MAPK15: variants seen among roughly 807,000 people sequenced by gnomAD.
MAPK15 encodes mitogen-activated protein kinase 15.
In MAPK15, 61 loss-of-function variants were observed where a neutral mutation model predicts 60.8. That is an observed-to-expected ratio of 1.00 (90% CI 0.82 to 1.24). The LOEUF (loss-of-function observed/expected upper bound fraction) is 1.24. Ranked by LOEUF, MAPK15 falls within the 50% of genes most tolerant of loss-of-function variation. The pLI, the probability that MAPK15 is intolerant of heterozygous loss-of-function variation, is 0.00. For missense variants in MAPK15, 808 were observed against 741.1 expected (o/e 1.09, Z -1.05); for synonymous variants, 356 against 319.9 (o/e 1.11, Z -1.21).
In MAPK15 at chr8:143,718,057, G is replaced by C. The variant is rs139756179; in HGVS notation, c.176G>C (p.Arg59Pro). Residue 59 changes from arginine to proline, a missense_variant, in exon 3 of 14, where the codon CGG becomes CCG. Physicochemically the swap from Arg to Pro is moderately radical, Grantham distance 103. Transcript: ENST00000338033. The stretch of plus-strand genomic sequence containing the variant: ...TTTCTGTCTCTTCAGAGAACATTCC[G>C]GGAAATCACGCTCCTCCAGGTGAGT... ...RDKTDAQRTF[R>P]EITLLQEFGD... 1 of 1,614,102 alleles carries C rather than the reference G, an allele frequency of 6.2e-7. No individual in the cohort carries two copies. Among genetic ancestry groups the C allele is most frequent in the South Asian group, 1.1e-5 (1 of 91,086 alleles).
chr8:143,721,314 C>G lies in MAPK15; in HGVS notation c.1107C>G (p.His369Gln), dbSNP rs782444194. The G allele has an allele frequency of 2.7e-5, 44 of 1,613,646 alleles. No homozygotes were observed. Among genetic ancestry groups the G allele is most frequent in the Non-Finnish European group, 3.5e-5 (41 of 1,179,960 alleles). The change falls in exon 11 of 14, where the codon CAC becomes CAG. Residue 369 changes from histidine to glutamine, a missense_variant. Physicochemically the swap from His to Gln is conservative, Grantham distance 24. Coordinates refer to ENST00000338033, the MANE Select transcript of MAPK15 (RefSeq NM_139021.3). ...EGVSPSQAHL[H>Q]KPRADPQLPS... Reference sequence around the variant, plus strand: ...TCTCCCCAAGCCAGGCACACCTGCACAAACCCAGAGCCGACCCTCAGCTGC... The same window carrying G: ...TCTCCCCAAGCCAGGCACACCTGCAGAAACCCAGAGCCGACCCTCAGCTGC...
rs781980773 is a variant in MAPK15 at position 143,721,360 on chromosome 8, G to T, written c.1153G>T (p.Gly385Cys). Reference sequence around the variant, plus strand: ...GCTGCCTTCTAGGACACCTGTGCAGGGTCCCAGACCCAGGCCCCAGAGCAG... The same window carrying T: ...GCTGCCTTCTAGGACACCTGTGCAGTGTCCCAGACCCAGGCCCCAGAGCAG... Reference protein sequence around the residue: ...PQLPSRTPVQGPRPRPQSSPG... With the variant: ...PQLPSRTPVQCPRPRPQSSPG... The change falls in exon 11 of 14, where the codon GGT (glycine) becomes TGT (cysteine). Residue 385 changes from glycine to cysteine, a missense_variant. By Grantham distance (159) the Gly-to-Cys change is radical (BLOSUM62 -3). Transcript: ENST00000338033. 1.4e-5 allele frequency: 22 copies of T among 1,613,278 alleles called. No individual in the cohort carries two copies. In the Admixed American group the frequency reaches 3.5e-4, roughly 26 times the overall value.
intron 1 of MAPK15, 100 bp downstream of exon 1, chr8:143,716,543 C>A: frequency 9.3e-7 from 1 of 1,071,604 alleles, no homozygotes; most frequent in Non-Finnish European, 1.3e-6. Context: ...CCTGTTCCGT[C>A]ACACACTGGC....
Position 143,718,745 on chromosome 8 carries a change from C to T in MAPK15, c.287-30C>T, listed in dbSNP as rs555909822. 2.9e-4 allele frequency: 423 copies of T among 1,474,540 alleles called. 3 individuals carry two copies. In the East Asian group the frequency reaches 7.6e-3, roughly 27 times the overall value. The allele number at this position is 1,474,540 out of a possible 1,614,324, so 91.3% of individuals were successfully genotyped here. On this transcript the variant is annotated intron_variant, in intron 4 of 13. Coordinates refer to ENST00000338033, the MANE Select transcript of MAPK15 (RefSeq NM_139021.3). Reference sequence around the variant, plus strand: ...CCAGGTTGCCCCCCCAGCCCCCCACCCCCGACTGCAGTGCGCACCCTCTCT... The same window carrying T: ...CCAGGTTGCCCCCCCAGCCCCCCACTCCCGACTGCAGTGCGCACCCTCTCT...
chr8:143,718,216 T>C lies in MAPK15; in HGVS notation c.200T>C (p.Phe67Ser). ...TFREITLLQEFGDHPNIISLL... is the reference protein window; with the variant it reads ...TFREITLLQESGDHPNIISLL... ...CGCCTCCGACTCTCTCCCCAGGAGT[T>C]TGGGGACCATCCCAACATCATCAGC... Residue 67 changes from phenylalanine to serine, a missense_variant, in exon 4 of 14, where the codon TTT becomes TCT. Coordinates refer to ENST00000338033, the MANE Select transcript of MAPK15 (RefSeq NM_139021.3). 8 of 1,614,054 alleles carry C rather than the reference T, an allele frequency of 5.0e-6. No individual in the cohort carries two copies. The highest frequency in any genetic ancestry group is 2.2e-5 in the East Asian group (1 of 44,880).
chr8:143,717,600 A>T, intron 1 of MAPK15, 94 bp from the exon 2 acceptor site: 1 of 1,092,738 alleles, frequency 9.2e-7, no homozygotes, highest in African/African-American at 1.6e-5. Context: ...GGGACCCAGG[A>T]TGGGAAGGAG....
At position 143,718,256 on chromosome 8, in the gene MAPK15, C is replaced by T. The variant is rs782270582; in HGVS notation, c.240C>T (p.Ile80=). ...HPNIISLLDV[I]RAENDRDIYL... is the part of the protein sequence containing the mutation. Reference sequence around the variant, plus strand: ...ACATCATCAGCCTCCTTGACGTGATCCGGGCAGAGAACGACAGGGACATTT... The same window carrying T: ...ACATCATCAGCCTCCTTGACGTGATTCGGGCAGAGAACGACAGGGACATTT... The change falls in exon 4 of 14, where the codon ATC becomes ATT. Residue 80 remains isoleucine, a synonymous_variant. Coordinates refer to ENST00000338033, the MANE Select transcript of MAPK15 (RefSeq NM_139021.3). The T allele has an allele frequency of 1.2e-6, 2 of 1,614,166 alleles. No homozygotes were observed. The highest frequency in any genetic ancestry group is 1.7e-6 in the Non-Finnish European group (2 of 1,180,028).
chr8:143,720,308 G>T lies in MAPK15; in HGVS notation c.779+21G>T. On this transcript the variant is annotated intron_variant, in intron 8 of 13. Coordinates refer to ENST00000338033, the MANE Select transcript of MAPK15 (RefSeq NM_139021.3). The surrounding 1 kb of genome is among the most constrained non-coding windows in gnomAD (Gnocchi z 4.6). The stretch of plus-strand genomic sequence containing the variant: ...TCCCGGTGAGTGGGGGCACTTCGGT[G>T]AGGGTGACAGGGTGGCCTATCTCAA... 6.4e-7 allele frequency: 1 copy of T among 1,568,716 alleles called. No homozygotes were observed.
chr8:143,718,307 G>C lies in MAPK15; in HGVS notation c.286+5G>C, dbSNP rs56325234. On this transcript the variant is annotated splice_donor_5th_base_variant and intron_variant, in intron 4 of 13. Coordinates refer to ENST00000338033, the MANE Select transcript of MAPK15 (RefSeq NM_139021.3). Reference sequence around the variant, plus strand: ...ACCTGGTGTTTGAGTTTATGGGTGAGTGAGGCCCCGGCCAGCGCCCCAGCC... The same window carrying C: ...ACCTGGTGTTTGAGTTTATGGGTGACTGAGGCCCCGGCCAGCGCCCCAGCC... 11 of 1,613,486 alleles carry C rather than the reference G, an allele frequency of 6.8e-6. No homozygotes were observed. Among genetic ancestry groups the C allele is most frequent in the Middle Eastern group, 1.6e-4 (1 of 6,084 alleles).
At position 143,718,039 on chromosome 8, in the gene MAPK15, C is replaced by G. The variant is rs370367858; in HGVS notation, c.166-8C>G. 67 of 1,614,004 alleles carry G rather than the reference C, an allele frequency of 4.2e-5. No homozygotes were observed. Among genetic ancestry groups the G allele is most frequent in the Non-Finnish European group, 5.6e-5 (66 of 1,180,004 alleles). On this transcript the variant is annotated splice_region_variant and splice_polypyrimidine_tract_variant and intron_variant, in intron 2 of 13. Coordinates refer to ENST00000338033, the MANE Select transcript of MAPK15 (RefSeq NM_139021.3). The stretch of plus-strand genomic sequence containing the variant: ...CCCACCCACACACCTGTGTTTCTGT[C>G]TCTTCAGAGAACATTCCGGGAAATC...
At position 143,720,718 on chromosome 8, in the gene MAPK15, G is replaced by T; in HGVS notation, c.795G>T (p.Leu265=). ...CAGCCCACAGGCCACGACAGACGCTGGATGCCCTCCTACCGCCAGACACCT... is the reference window on the plus strand; with the variant it reads ...CAGCCCACAGGCCACGACAGACGCTTGATGCCCTCCTACCGCCAGACACCT... ...HQLGSRPRQT[L]DALLPPDTSP... Residue 265 remains leucine (L), a synonymous_variant, in exon 9 of 14, where the codon CTG becomes CTT. Transcript: ENST00000338033. This position sits in a 1 kb window ranked among gnomAD's most constrained non-coding sequence, Gnocchi z 4.6. 1 of 1,612,254 alleles carries T rather than the reference G, an allele frequency of 6.2e-7. No homozygotes were observed. Among genetic ancestry groups the T allele is most frequent in the Non-Finnish European group, 8.5e-7 (1 of 1,179,334 alleles).
In MAPK15 at chr8:143,721,363, C is replaced by A. The variant is rs1554619795; in HGVS notation, c.1156C>A (p.Pro386Thr). The A allele has an allele frequency of 7.4e-6, 12 of 1,613,194 alleles. No individual in the cohort carries two copies. Among genetic ancestry groups the A allele is most frequent in the African/African-American group, 1.3e-5 (1 of 74,910 alleles). Residue 386 changes from proline to threonine, a missense_variant, in exon 11 of 14, where the codon CCC becomes ACC. By Grantham distance (38) the Pro-to-Thr change is conservative (BLOSUM62 -1). Transcript: ENST00000338033. Reference protein sequence around the residue: ...QLPSRTPVQGPRPRPQSSPGH... With the variant: ...QLPSRTPVQGTRPRPQSSPGH... Reference sequence around the variant, plus strand: ...GCCTTCTAGGACACCTGTGCAGGGTCCCAGACCCAGGCCCCAGAGCAGCCC... The same window carrying A: ...GCCTTCTAGGACACCTGTGCAGGGTACCAGACCCAGGCCCCAGAGCAGCCC...
At position 143,718,877 on chromosome 8, in the gene MAPK15, C is replaced by G. The variant is rs376624672; in HGVS notation, c.389C>G (p.Ser130Trp). ...CTGCGGGCCACCCGGTTCCTCCACT[C>G]GGGGCACGTTGTGCACCGGGACCAG... ...QLLRATRFLH[S>W]GHVVHRDQKP... is the part of the protein sequence containing the mutation. Residue 130 changes from serine to tryptophan, a missense_variant, in exon 5 of 14, where the codon TCG becomes TGG. Coordinates refer to ENST00000338033, the MANE Select transcript of MAPK15 (RefSeq NM_139021.3). 2.5e-6 allele frequency: 4 copies of G among 1,610,548 alleles called. No individual in the cohort carries two copies. The African/African-American group carries it at 5.3e-5, about 22-fold the overall frequency.
At chr8:143,718,644 T>C in intron 4 of MAPK15, 131 bp from the exon 5 acceptor site, 1 of 779,696 alleles carries the variant, frequency 1.3e-6, no homozygotes, top group Non-Finnish European at 2.1e-6. Context: ...GTGCACAGGA[T>C]GGAGGAGCGG....
At chr8:143,721,449 C>A in intron 11 of MAPK15, 38 bp downstream of exon 11, 1 of 1,609,106 alleles carries the variant, frequency 6.2e-7, no homozygotes, top group South Asian at 1.1e-5. Flanking sequence ...CGGAGCACGG[C>A]CCGGGCCCCT....
At position 143,720,614 on chromosome 8, in the gene MAPK15, A is replaced by C; in HGVS notation, c.780-89A>C. On this transcript the variant is annotated intron_variant, in intron 8 of 13. Transcript: ENST00000338033. This position sits in a 1 kb window ranked among gnomAD's most constrained non-coding sequence, Gnocchi z 4.6. ...TAGACAGGACAGCAGGGTGGACCCC[A>C]GTTTGGAAGCTGAGCCCCCAGCCAC... 6.6e-7 allele frequency: 1 copy of C among 1,525,598 alleles called. No homozygotes were observed. The highest frequency in any genetic ancestry group is 8.8e-7 in the Non-Finnish European group (1 of 1,133,304). The allele number at this position is 1,525,598 out of a possible 1,614,324, so 94.5% of individuals were successfully genotyped here.
In MAPK15 at chr8:143,721,043, C is replaced by G. The variant is rs200452806; in HGVS notation, c.961C>G (p.Arg321Gly). 2.8e-5 allele frequency: 45 copies of G among 1,611,856 alleles called. No individual in the cohort carries two copies. In the Middle Eastern group the frequency reaches 6.6e-4, roughly 24 times the overall value. ...CGAGTGGGCACGAGAGGCAGATGTG[C>G]GGCCCCGGGCACACGAAGGGGTCCA... ...SDEWAREADVRPRAHEGVQLS... is the reference protein window; with the variant it reads ...SDEWAREADVGPRAHEGVQLS... The change falls in exon 10 of 14, where the codon CGG (arginine) becomes GGG (glycine). Residue 321 changes from arginine (R) to glycine (G), a missense_variant. Physicochemically the swap from Arg to Gly is moderately radical, Grantham distance 125. Transcript: ENST00000338033.
chr8:143,718,943 G>C, intron 5 of MAPK15, 38 bp downstream of exon 5: 1 of 1,597,078 alleles, frequency 6.3e-7, no homozygotes, highest in Non-Finnish European at 8.5e-7. Flanking sequence ...ACGTGGCCCG[G>C]CTCCCGGCCC....
rs782588778 is a variant in MAPK15 at position 143,722,029 on chromosome 8, G to A, written c.1459-46G>A. On this transcript the variant is annotated intron_variant, in intron 13 of 13. Coordinates refer to ENST00000338033, the MANE Select transcript of MAPK15 (RefSeq NM_139021.3). ...AGGACCTCAAGGCCTCCCCTCCACT[G>A]CACCCCCTCTGATGGCCCCTTTATG... 2.5e-6 allele frequency: 4 copies of A among 1,575,266 alleles called. No homozygotes were observed. The African/African-American group carries it at 4.1e-5, about 16-fold the overall frequency.
Sources: allele counts gnomAD v4.1 joint callset, GRCh38; gene constraint gnomAD v4.1.1; non-coding constraint Gnocchi (gnomAD v3.1); transcripts MANE v1.5; gene names NCBI Gene and HGNC (gene_info 2026-07-23, HGNC 2026-07-21).